The following SGSM3 variants were observed in gnomAD, a reference collection of about 807,000 sequenced individuals.
SGSM3 encodes small G protein signaling modulator 3.
A neutral mutation model predicts 100.5 loss-of-function variants in SGSM3; 96 were observed. The observed-to-expected ratio is 0.96, with a 90% CI of 0.81 to 1.13. The LOEUF (loss-of-function observed/expected upper bound fraction) is 1.13. SGSM3 is among the 50% of genes most tolerant of loss of function. SGSM3 has a pLI of 0.00. For missense variants in SGSM3, 1,001 were observed against 1,015.8 expected, an observed-to-expected ratio of 0.99 and a Z score of 0.20; for synonymous variants, 483 against 422.8, an observed-to-expected ratio of 1.14 and a Z score of -1.75.
chr22:40,389,927 A>C (rs1293146906), intron 1 of SGSM3, among the ~76,000 whole-genome samples: 1 of 151,708 alleles, frequency 6.6e-6, no homozygotes, highest in Non-Finnish European at 1.5e-5. Context: ...AAAAAAAAAA[A>C]AAAAAGAACT....
intron 1 of SGSM3, among the ~76,000 whole-genome samples, chr22:40,375,663 A>G (rs2046424949): frequency 7.2e-6 from 1 of 139,206 alleles, no homozygotes; most frequent in Admixed American, 8.5e-5. Context: ...ATTAAGACAG[A>G]GAATTTTTTT....
intron 19 of SGSM3, 82 bp from the exon 20 acceptor site, chr22:40,409,168 G>C (rs1412659975): frequency 3.2e-6 from 5 of 1,557,572 alleles, no homozygotes; most frequent in African/African-American, 2.7e-5. Flanking sequence ...GCTGCTGAGA[G>C]ACAGGTCAGA....
intron 1 of SGSM3, among the ~76,000 whole-genome samples, chr22:40,384,459 TAAAC>T (rs1029210842): frequency 2.6e-5 from 4 of 151,836 alleles, no homozygotes; most frequent in African/African-American, 4.8e-5. Flanking sequence ...CTCCAATAAA[TAAAC>T]AAAAATTAAA....
chr22:40,392,418 C>T (rs2049478009), intron 1 of SGSM3, among the ~76,000 whole-genome samples: 1 of 151,676 alleles, frequency 6.6e-6, no homozygotes, highest in African/African-American at 2.4e-5. Context: ...AGAAGGGGAT[C>T]CTTTTCACAG....
intron 4 of SGSM3, chr22:40,404,041 G>A: frequency 2.4e-6 from 1 of 422,038 alleles, no homozygotes; most frequent in East Asian, 3.5e-5. Context: ...TGAGGAGAAG[G>A]TGAAGAGCTT....
intron 1 of SGSM3, 45 bp from the exon 2 acceptor site, chr22:40,400,651 A>G: frequency 2.5e-6 from 2 of 785,752 alleles, no homozygotes; most frequent in South Asian, 3.2e-5. Flanking sequence ...CTAAAAAAAA[A>G]TAAAAATAAA....
At chr22:40,404,728 C>A in intron 6 of SGSM3, 64 bp downstream of exon 6, 2 of 1,202,336 alleles carry the variant, frequency 1.7e-6, no homozygotes, top group Non-Finnish European at 2.4e-6. Flanking sequence ...AGAGAGGGAG[C>A]CTGCCTGGGG....
intron 1 of SGSM3, among the ~76,000 whole-genome samples, chr22:40,376,813 ATAGAG>A (rs746186749): frequency 6.6e-6 from 1 of 152,174 alleles, no homozygotes; most frequent in Non-Finnish European, 1.5e-5. Context: ...TAATCAAGAA[ATAGAG>A]TAGTTTTGAA....
intron 1 of SGSM3, among the ~76,000 whole-genome samples, chr22:40,374,725 CAT>C (rs978607247): frequency 1.8e-4 from 28 of 152,328 alleles, no homozygotes; most frequent in African/African-American, 6.5e-4. Flanking sequence ...CGACCAAAAA[CAT>C]AAAATTGCCA....
intron 1 of SGSM3, among the ~76,000 whole-genome samples, chr22:40,395,940 G>A (rs762873109): frequency 5.9e-5 from 9 of 152,102 alleles, no homozygotes; most frequent in Non-Finnish European, 1.2e-4. Flanking sequence ...CAAGCTATTT[G>A]CCCACGTAGC....
rs750532112 is a variant in SGSM3, at chr22:40,407,822, G to C, written c.1558G>C (p.Gly520Arg). The change falls in exon 14 of 22, where the codon GGG (glycine) becomes CGG (arginine). Residue 520 changes from glycine (G) to arginine (R), a missense_variant. Transcript: ENST00000248929. This position sits in a 1 kb window ranked among gnomAD's most constrained non-coding sequence, Gnocchi z 4.7. ...VSQKDEHCWV[G>R]ELNGLRGWFP... ...TCAGAAGGACGAGCACTGCTGGGTG[G>C]GGGAGCTCAACGGCCTGCGAGGTGG... 1 of 1,613,610 alleles carries C rather than the reference G, an allele frequency of 6.2e-7. No homozygotes were observed. Among genetic ancestry groups the C allele is most frequent in the South Asian group, 1.1e-5 (1 of 91,054 alleles).
intron 1 of SGSM3, among the ~76,000 whole-genome samples, chr22:40,374,385 T>G (rs994482064): frequency 6.6e-6 from 1 of 152,244 alleles, no homozygotes; most frequent in African/African-American, 2.4e-5. Context: ...AGGTATATAC[T>G]TTTAGGGAAA....
rs2051566586 is a variant in SGSM3 at position 40,406,623 on chromosome 22, C to G, written c.1146C>G (p.Gly382=). 1.9e-6 allele frequency: 3 copies of G among 1,608,522 alleles called. No homozygotes were observed. Among genetic ancestry groups the G allele is most frequent in the African/African-American group, 1.3e-5 (1 of 74,808 alleles). Residue 382 remains glycine (G), a synonymous_variant, in exon 10 of 22, where the codon GGC becomes GGG. Coordinates refer to ENST00000248929, the MANE Select transcript of SGSM3 (RefSeq NM_015705.6). The part of the protein sequence containing the change: ...KHLAYLIADQ[G]QLLGAGTLTN... The stretch of plus-strand genomic sequence containing the variant: ...TGGCCTATCTCATTGCAGACCAGGG[C>G]CAGCTCCTGGGGGCCGGCACCCTCA...
intron 1 of SGSM3, among the ~76,000 whole-genome samples, chr22:40,371,271 C>G (rs1416829107): frequency 6.6e-6 from 1 of 152,186 alleles, no homozygotes; most frequent in Non-Finnish European, 1.5e-5. Context: ...TATTCTCATA[C>G]TTAGTTTACT....
chr22:40,389,701 A>G (rs990023864), intron 1 of SGSM3, among the ~76,000 whole-genome samples: 2 of 151,124 alleles, frequency 1.3e-5, no homozygotes, highest in African/African-American at 4.9e-5. Flanking sequence ...TGAGGTCAGG[A>G]GTTCGAGACC....
intron 1 of SGSM3, among the ~76,000 whole-genome samples, chr22:40,375,580 CAAAA>C (rs5845459): frequency 9.9e-6 from 1 of 101,408 alleles, no homozygotes; most frequent in Non-Finnish European, 2.1e-5. Flanking sequence ...AACTCTGTCT[CAAAA>C]AAAAAAAAAG....
In SGSM3 at chr22:40,407,718, A is replaced by C. The variant is rs2051806478; in HGVS notation, c.1525-71A>C. On this transcript the variant is annotated intron_variant, in intron 13 of 21. Transcript: ENST00000248929. This position sits in a 1 kb window ranked among gnomAD's most constrained non-coding sequence, Gnocchi z 4.7. Reference sequence around the variant, plus strand: ...GGCCTGGCCTAGTTGCTGAGGAGTCATATCGGGGGTGCAGGAGGCGCTGGC... The same window carrying C: ...GGCCTGGCCTAGTTGCTGAGGAGTCCTATCGGGGGTGCAGGAGGCGCTGGC... 1.3e-6 allele frequency: 2 copies of C among 1,590,010 alleles called. No individual in the cohort carries two copies. Among genetic ancestry groups the C allele is most frequent in the South Asian group, 2.2e-5 (2 of 90,568 alleles).
intron 1 of SGSM3, among the ~76,000 whole-genome samples, chr22:40,386,025 GTT>G (rs68008146): frequency 4.1e-5 from 6 of 145,196 alleles, no homozygotes; most frequent in African/African-American, 1.0e-4. Flanking sequence ...CTAATTTTTT[GTT>G]TTTTTTTTTG....
At position 40,405,765 on chromosome 22, in the gene SGSM3, G is replaced by C. The variant is rs1036334120; in HGVS notation, c.735G>C (p.Gln245His). The part of the protein sequence containing the change: ...SYFSTTLLGV[Q>H]TDQRVLRHLI... ...TCAGCACCACCCTGCTGGGTGTCCA[G>C]ACTGACCAGCGGGTCCTGCGCCACC... The change falls in exon 8 of 22, where the codon CAG becomes CAC. Residue 245 changes from glutamine (Q) to histidine (H), a missense_variant. Transcript: ENST00000248929. 2 of 1,613,626 alleles carry C rather than the reference G, an allele frequency of 1.2e-6. No homozygotes were observed. The highest frequency in any genetic ancestry group is 1.1e-5 in the South Asian group (1 of 91,076).
Sources: gnomAD v4.1 joint callset for allele counts (sites outside exome capture counted in the v4.1 genomes callset) on GRCh38, gnomAD v4.1.1 for gene constraint, Gnocchi (gnomAD v3.1) non-coding constraint, MANE v1.5 for transcripts, NCBI Gene and HGNC (gene_info 2026-07-23, HGNC 2026-07-21) for gene names.